Variants in SPATA17 observed in about 807,000 individuals in gnomAD.
SPATA17 encodes the protein spermatogenesis associated 17, also known as spermatogenesis-associated protein 17.
In SPATA17, 53 loss-of-function variants were observed where a neutral mutation model predicts 62.2. That is an observed-to-expected ratio of 0.85 (90% CI 0.68 to 1.07). The LOEUF (loss-of-function observed/expected upper bound fraction) is 1.07, where lower values mean the gene tolerates loss of function less well. Among genes scored for constraint, SPATA17 ranks in the 50% least tolerant of loss-of-function variants. The pLI, the probability that SPATA17 is intolerant of heterozygous loss-of-function variation, is 0.00. For synonymous variants in SPATA17, 146 were observed against 146.8 expected, an observed-to-expected ratio of 0.99 and a Z score of 0.04; for missense variants, 466 against 425.5, an observed-to-expected ratio of 1.10 and a Z score of -0.84.
At chr1:217,652,558 G>A (rs1670343797) in intron 3 of SPATA17, among the ~76,000 whole-genome samples, 1 of 151,698 alleles carries the variant, frequency 6.6e-6, no homozygotes, top group Non-Finnish European at 1.5e-5. Flanking sequence ...CCCTTCTCCT[G>A]TCTTGATTTT....
intron 8 of SPATA17, among the ~76,000 whole-genome samples, chr1:217,783,570 C>G (rs1211110918): frequency 6.6e-6 from 1 of 151,980 alleles, no homozygotes; most frequent in Non-Finnish European, 1.5e-5. Context: ...TAAAGCTTCT[C>G]AGACTTAGCC....
intron 5 of SPATA17, among the ~76,000 whole-genome samples, chr1:217,740,605 C>T (rs554421374): frequency 2.5e-4 from 38 of 152,110 alleles, no homozygotes; most frequent in Non-Finnish European, 5.1e-4. Flanking sequence ...TCAATGGAAA[C>T]AAATTTGTTT....
At chr1:217,817,777 G>C (rs11579841) in intron 9 of SPATA17, among the ~76,000 whole-genome samples, 17,720 of 152,030 alleles carry the variant, frequency 0.12, 1,127 homozygotes, top group Non-Finnish European at 0.14. Context: ...CTGATCTGCT[G>C]TTGGCCACAT....
chr1:217,828,925 A>G (rs539738534), intron 9 of SPATA17, among the ~76,000 whole-genome samples: 1 of 152,306 alleles, frequency 6.6e-6, no homozygotes, highest in South Asian at 2.1e-4. Context: ...GGCCGTTATC[A>G]AAAAGATAAG....
intron 9 of SPATA17, among the ~76,000 whole-genome samples, chr1:217,829,193 A>G (rs1194396931): frequency 1.3e-5 from 2 of 152,148 alleles, no homozygotes; most frequent in Admixed American, 6.6e-5. Context: ...AACAACCTAA[A>G]TGTTCATCAA....
At chr1:217,652,623 G>A (rs1461053142) in intron 3 of SPATA17, among the ~76,000 whole-genome samples, 1 of 152,034 alleles carries the variant, frequency 6.6e-6, no homozygotes, top group Non-Finnish European at 1.5e-5. Context: ...GAAATCAAAT[G>A]CCTCTATTTC....
At chr1:217,689,062 A>G (rs1475356912) in intron 5 of SPATA17, among the ~76,000 whole-genome samples, 5 of 152,142 alleles carry the variant, frequency 3.3e-5, no homozygotes, top group Non-Finnish European at 7.4e-5. Context: ...GTCATGATTT[A>G]ATACTTATTT....
chr1:217,847,779 C>T (rs1440175617), intron 9 of SPATA17, among the ~76,000 whole-genome samples: 1 of 152,100 alleles, frequency 6.6e-6, no homozygotes, highest in Non-Finnish European at 1.5e-5. Context: ...GGCCAGGTGC[C>T]TGTAATTCCA....
chr1:217,852,105 G>C (rs183544883), intron 9 of SPATA17, among the ~76,000 whole-genome samples: 6 of 152,172 alleles, frequency 3.9e-5, no homozygotes, highest in Non-Finnish European at 2.9e-5. Context: ...TCTCCTCTTG[G>C]AGAACGATCA....
At chr1:217,727,109 T>A (rs577697693) in intron 5 of SPATA17, among the ~76,000 whole-genome samples, 1 of 151,772 alleles carries the variant, frequency 6.6e-6, no homozygotes, top group Non-Finnish European at 1.5e-5. Context: ...TAGCCAAGCA[T>A]GGTGGCATAT....
At chr1:217,643,721 T>C (rs1670121174) in intron 1 of SPATA17, among the ~76,000 whole-genome samples, 1 of 139,474 alleles carries the variant, frequency 7.2e-6, no homozygotes, top group Non-Finnish European at 1.6e-5. Context: ...TCTCTATATA[T>C]ATATATATAT....
chr1:217,791,020 TAG>T (rs1673985437), intron 8 of SPATA17, among the ~76,000 whole-genome samples: 2 of 152,352 alleles, frequency 1.3e-5, no homozygotes, highest in South Asian at 4.1e-4. Flanking sequence ...TGTATTATGA[TAG>T]AGATTATCAT....
intron 6 of SPATA17, among the ~76,000 whole-genome samples, chr1:217,761,200 T>A (rs764329031): frequency 6.6e-6 from 1 of 152,258 alleles, no homozygotes; most frequent in East Asian, 1.9e-4. Context: ...TTGGCCTTTG[T>A]GACATTATGG....
chr1:217,669,430 A>T (rs1332410357), intron 4 of SPATA17, among the ~76,000 whole-genome samples: 1 of 152,206 alleles, frequency 6.6e-6, no homozygotes, highest in Non-Finnish European at 1.5e-5. Context: ...GAAATATAAG[A>T]TTCCTGCCCA....
intron 8 of SPATA17, among the ~76,000 whole-genome samples, chr1:217,801,479 GACTC>G (rs1674310746): frequency 6.6e-6 from 1 of 151,988 alleles, no homozygotes; most frequent in South Asian, 2.1e-4. Flanking sequence ...AAATACTTGA[GACTC>G]ACAAAAATTC....
chr1:217,770,978 A>ATTTTTTTTTTTTTTTTTTTTTTTTTTTT lies in SPATA17; in HGVS notation c.520-3353_520-3326dup, dbSNP rs374042087. On this transcript the variant is annotated intron_variant, in intron 6 of 10. Coordinates refer to ENST00000366933, the MANE Select transcript of SPATA17 (RefSeq NM_138796.4). Reference sequence around the variant, plus strand: ...ATGTATCTATTATATAACTCATTGCATTTTTTTTTTTTTTTTTTTTTTTTT... The same window carrying ATTTTTTTTTTTTTTTTTTTTTTTTTTTT: ...ATGTATCTATTATATAACTCATTGCATTTTTTTTTTTTTTTTTTTTTTTTTTTTTTTTTTTTTTTTTTTTTTTTTTTTT... 5.8e-4 allele frequency among the ~76,000 whole-genome samples: 29 copies of ATTTTTTTTTTTTTTTTTTTTTTTTTTTT among 50,160 alleles called. 4 individuals are homozygous for ATTTTTTTTTTTTTTTTTTTTTTTTTTTT. Among genetic ancestry groups the ATTTTTTTTTTTTTTTTTTTTTTTTTTTT allele is most frequent in the South Asian group, 2.0e-3 (2 of 1,000 alleles). The allele number at this position is 50,160 out of a possible 152,430, so 32.9% of individuals were successfully genotyped here.
intron 6 of SPATA17, among the ~76,000 whole-genome samples, chr1:217,765,193 A>C (rs930963580): frequency 1.3e-5 from 2 of 151,462 alleles, no homozygotes; most frequent in African/African-American, 4.8e-5. Flanking sequence ...AGAATAATTA[A>C]TTTTATTTAT....
chr1:217,834,448 G>A (rs1675215705), intron 9 of SPATA17, among the ~76,000 whole-genome samples: 1 of 152,030 alleles, frequency 6.6e-6, no homozygotes, highest in African/African-American at 2.4e-5. Flanking sequence ...CCTTCTAGTG[G>A]GACAAGCTAT....
intron 6 of SPATA17, among the ~76,000 whole-genome samples, chr1:217,743,238 A>C (rs896160762): frequency 6.6e-6 from 1 of 152,084 alleles, no homozygotes; most frequent in Non-Finnish European, 1.5e-5. Context: ...GCAATAATTA[A>C]AAGATACTTT....
Sources: allele counts gnomAD v4.1 joint callset (sites outside exome capture counted in the v4.1 genomes callset), GRCh38; gene constraint gnomAD v4.1.1; transcripts MANE v1.5; gene names NCBI Gene and HGNC (gene_info 2026-07-23, HGNC 2026-07-21).